CFAP47: variants seen among roughly 807,000 people sequenced by gnomAD.
CFAP47 encodes the protein cilia- and flagella-associated protein 47.
A neutral mutation model predicts 148.1 loss-of-function variants in CFAP47; 29 were observed. The ratio of observed to expected loss-of-function variants is 0.20; its 90% CI spans 0.15 to 0.27. CFAP47 has a LOEUF of 0.27. Among genes scored for constraint, CFAP47 ranks in the 10% least tolerant of loss-of-function variants. The pLI is 1.00. For missense variants in CFAP47, 1,872 were observed against 1,697.5 expected (o/e 1.10, Z -1.81); for synonymous variants, 664 against 577.3 (o/e 1.15, Z -2.15).
At chrX:36,244,002 G>A (rs5973619) in intron 48 of CFAP47, among the ~76,000 whole-genome samples, 4,347 of 110,069 alleles carry the variant, frequency 0.039, 238 homozygotes, top group African/African-American at 0.13. Flanking sequence ...GACTCAATAC[G>A]TTAAAAAACA....
At chrX:36,290,809 T>C (rs982897207) in intron 51 of CFAP47, among the ~76,000 whole-genome samples, 1 of 112,113 alleles carries the variant, frequency 8.9e-6, no homozygotes, top group Non-Finnish European at 1.9e-5. Flanking sequence ...AGGACAGGAA[T>C]TTAGGAGGAA....
intron 33 of CFAP47, among the ~76,000 whole-genome samples, chrX:36,109,892 G>T (rs1192018141): frequency 8.9e-6 from 1 of 111,992 alleles, no homozygotes; most frequent in African/African-American, 3.2e-5. Flanking sequence ...ATGCTTCTAG[G>T]CTGCATGTAT....
chrX:36,181,268 T>TA (rs766285143), intron 40 of CFAP47, among the ~76,000 whole-genome samples: 1 of 111,793 alleles, frequency 8.9e-6, no homozygotes, highest in East Asian at 2.8e-4. Flanking sequence ...TTTCTTTATA[T>TA]AATACTCTGG....
intron 26 of CFAP47, among the ~76,000 whole-genome samples, chrX:36,052,030 G>T (rs943660123): frequency 9.0e-6 from 1 of 111,712 alleles, no homozygotes; most frequent in African/African-American, 3.3e-5. Context: ...CACCATGATT[G>T]TGAGGCCTCC....
chrX:36,167,955 G>A (rs1230004602), intron 39 of CFAP47, among the ~76,000 whole-genome samples: 3 of 111,165 alleles, frequency 2.7e-5, no homozygotes, highest in Non-Finnish European at 5.7e-5. Flanking sequence ...GAGAGTCCAA[G>A]GATCTCTCAT....
intron 22 of CFAP47, among the ~76,000 whole-genome samples, chrX:36,029,450 C>G (rs1937256816): frequency 9.1e-6 from 1 of 110,382 alleles, no homozygotes; most frequent in Non-Finnish European, 1.9e-5. Flanking sequence ...TCTTGTTTTC[C>G]TAGTTCCTTA....
intron 15 of CFAP47, among the ~76,000 whole-genome samples, chrX:35,987,617 C>A (rs1389280659): frequency 9.0e-6 from 1 of 111,121 alleles, no homozygotes; most frequent in Non-Finnish European, 1.9e-5. Context: ...GGGAGTAAAC[C>A]GTTCTGTCTC....
At chrX:36,294,896 C>T (rs1556006245) in intron 51 of CFAP47, among the ~76,000 whole-genome samples, 1 of 111,392 alleles carries the variant, frequency 9.0e-6, no homozygotes, top group Non-Finnish European at 1.9e-5. Context: ...GAGTATTCCT[C>T]TTCTACATGA....
At chrX:35,943,645 C>G (rs1936043908) in intron 3 of CFAP47, among the ~76,000 whole-genome samples, 1 of 111,258 alleles carries the variant, frequency 9.0e-6, no homozygotes, top group South Asian at 3.7e-4. Context: ...AATGTTAGTA[C>G]TTTGTAGGTT....
chrX:35,923,353 C>T (rs764341627), intron 1 of CFAP47, among the ~76,000 whole-genome samples: 2 of 111,862 alleles, frequency 1.8e-5, no homozygotes, highest in East Asian at 2.8e-4. Flanking sequence ...AAATGCTTGA[C>T]ACATTATAAA....
At chrX:36,355,086 GAAA>G (rs1556018235) in intron 60 of CFAP47, among the ~76,000 whole-genome samples, 1 of 110,406 alleles carries the variant, frequency 9.1e-6, no homozygotes. Context: ...CATTTCTCTA[GAAA>G]AGACATATGA....
chrX:36,244,295 A>G lies in CFAP47; in HGVS notation c.7333-7038A>G, dbSNP rs184858861. On this transcript the variant is annotated intron_variant, in intron 48 of 63. Transcript: ENST00000378653. Reference sequence around the variant, plus strand: ...TCATAAAGAAGTTAGAAAAAGCTCAAATTAACAATTTAACTTTGCACCCAG... The same window carrying G: ...TCATAAAGAAGTTAGAAAAAGCTCAGATTAACAATTTAACTTTGCACCCAG... 5.2e-3 allele frequency among the ~76,000 whole-genome samples: 578 copies of G among 111,621 alleles called. 6 individuals carry two copies. Among genetic ancestry groups the G allele is most frequent in the South Asian group, 0.034 (93 of 2,702 alleles).
At chrX:36,197,970 T>C (rs1396777635) in intron 42 of CFAP47, among the ~76,000 whole-genome samples, 1 of 111,897 alleles carries the variant, frequency 8.9e-6, no homozygotes, top group African/African-American at 3.2e-5. Context: ...ATAGATTAAT[T>C]TTTAATTTCT....
At position 36,099,750 on chromosome X, in the gene CFAP47, G is replaced by T. The variant is rs767331573; in HGVS notation, c.4999-1G>T. On this transcript the variant is annotated splice_acceptor_variant, in intron 31 of 63. Coordinates refer to ENST00000378653, the MANE Select transcript of CFAP47 (RefSeq NM_001304548.2). LOFTEE classifies it high-confidence loss of function. The stretch of plus-strand genomic sequence containing the variant: ...ATGTTGTACTATTTTATTTCTTAAA[G>T]TCTTCCACTAATACGATGCCTGTGA... 1.2e-6 allele frequency: 1 copy of T among 808,771 alleles called. No homozygotes were observed. Among genetic ancestry groups the T allele is most frequent in the South Asian group, 2.3e-5 (1 of 42,582 alleles). The allele number at this position is 808,771 out of a possible 1,213,427, so 66.7% of individuals were successfully genotyped here. A position where few individuals can be genotyped will look rare whatever the true frequency, so the allele number is the denominator to read the frequency against.
At chrX:36,261,124 C>CTTTTTTTT (rs33916345) in intron 49 of CFAP47, among the ~76,000 whole-genome samples, 1 of 78,049 alleles carries the variant, frequency 1.3e-5, no homozygotes, top group African/African-American at 5.0e-5. Context: ...AGTATAGTTT[C>CTTTTTTTT]TTTTTTTTTT....
intron 33 of CFAP47, among the ~76,000 whole-genome samples, chrX:36,118,337 G>C (rs1317888838): frequency 9.0e-6 from 1 of 111,298 alleles, no homozygotes; most frequent in Non-Finnish European, 1.9e-5. Flanking sequence ...GGGTGGTATG[G>C]ACATTTAAAA....
At chrX:35,928,489 A>G (rs1207816366) in intron 2 of CFAP47, among the ~76,000 whole-genome samples, 23 of 111,543 alleles carry the variant, frequency 2.1e-4, no homozygotes, top group African/African-American at 3.2e-5. Flanking sequence ...TGTTTTTCTC[A>G]TTTTATGATT....
rs372478256 is a variant in CFAP47, at chrX:35,971,873, T to C, written c.2162T>C (p.Leu721Pro). The change falls in exon 13 of 64, where the codon CTC (leucine) becomes CCC (proline). Residue 721 changes from leucine to proline, a missense_variant. Physicochemically the swap from Leu to Pro is moderately conservative, Grantham distance 98. Transcript: ENST00000378653. ...GAAAAATATGATTTTTTACAGGTTC[T>C]CAAAGGACTTAAATCAGAACCATCC... ...QEEESVRRKVLKGLKSEPSTP... is the reference protein window; with the variant it reads ...QEEESVRRKVPKGLKSEPSTP... The C allele has an allele frequency of 1.9e-5, 23 of 1,195,205 alleles. No homozygotes were observed. The African/African-American group carries it at 3.3e-4, about 17-fold the overall frequency.
At chrX:36,029,168 G>A (rs766068438) in intron 22 of CFAP47, among the ~76,000 whole-genome samples, 1 of 110,817 alleles carries the variant, frequency 9.0e-6, no homozygotes, top group East Asian at 2.8e-4. Context: ...TAGTTTGTGA[G>A]TGTACAGTTG....
Sources: allele counts gnomAD v4.1 joint callset (sites outside exome capture counted in the v4.1 genomes callset), GRCh38; gene constraint gnomAD v4.1.1; transcripts MANE v1.5; gene names NCBI Gene and HGNC (gene_info 2026-07-23, HGNC 2026-07-21).